The following JAG2 variants were observed in gnomAD, a reference collection of about 807,000 sequenced individuals.
JAG2 encodes jagged canonical Notch ligand 2.
JAG2 carries 46 observed loss-of-function variants against 141.7 expected under a neutral mutation model. That is an observed-to-expected ratio of 0.32 (90% CI 0.26 to 0.42). JAG2 has a LOEUF of 0.42. JAG2 is among the 10% of genes least tolerant of loss of function. The pLI is 1.00. For missense variants in JAG2, 1,500 were observed against 1,817.5 expected, an observed-to-expected ratio of 0.83 and a Z score of 3.18; for synonymous variants, 862 against 763.5, an observed-to-expected ratio of 1.13 and a Z score of -2.13.
chr14:105,156,921 G>A (rs587764691), intron 3 of JAG2, among the ~76,000 whole-genome samples: 8 of 151,876 alleles, frequency 5.3e-5, no homozygotes, highest in East Asian at 3.9e-4. Flanking sequence ...CACCCCCACC[G>A]CCGTCCCTGC....
At chr14:105,149,408 C>T (rs1269570922) in intron 12 of JAG2, 88 bp from the exon 13 acceptor site, 32 of 1,559,266 alleles carry the variant, frequency 2.1e-5, no homozygotes, top group Non-Finnish European at 2.6e-5. Flanking sequence ...AAGGTAGATC[C>T]CTGGGGACCC....
rs772503929 is a variant in JAG2 at position 105,142,946 on chromosome 14, G to T, written c.3466C>A (p.Pro1156Thr). The T allele has an allele frequency of 6.2e-7, 1 of 1,609,298 alleles. No individual in the cohort carries two copies. Among genetic ancestry groups the T allele is most frequent in the Non-Finnish European group, 8.5e-7 (1 of 1,178,078 alleles). Reference sequence around the variant, plus strand: ...GCCTCGTCCGCCCTGCGCGGCGGCGGCGTGAAGTTCTTGCACTGGTAGAGC... The same window carrying T: ...GCCTCGTCCGCCCTGCGCGGCGGCGTCGTGAAGTTCTTGCACTGGTAGAGC... ...DVLYQCKNFT[P>T]PPRRADEALP... Residue 1156 changes from proline (P) to threonine (T), a missense_variant, in exon 26 of 26, where the codon CCG becomes ACG. By Grantham distance (38) the Pro-to-Thr change is conservative. This residue lies in a region of JAG2 where 425 missense variants were observed against 441.0 expected (regional missense o/e 0.96). Coordinates refer to ENST00000331782, the MANE Select transcript of JAG2 (RefSeq NM_002226.5).
chr14:105,146,086 C>T (rs1257181851), intron 22 of JAG2, 113 bp from the exon 23 acceptor site: 1 of 1,498,278 alleles, frequency 6.7e-7, no homozygotes, highest in Non-Finnish European at 9.0e-7. Flanking sequence ...AGGGACACCG[C>T]CCAAGTCTGT....
rs1299575666 is a variant in JAG2, at chr14:105,149,087, T to C, written c.1756A>G (p.Ile586Val). 6.2e-7 allele frequency: 1 copy of C among 1,608,310 alleles called. No individual in the cohort carries two copies. The highest frequency in any genetic ancestry group is 8.5e-7 in the Non-Finnish European group (1 of 1,178,432). Reference sequence around the variant, plus strand: ...CCCGCGTCTGACCCGCAGCCATCGATCACTATGGCAGGCAGTACAGTCAGG... The same window carrying C: ...CCCGCGTCTGACCCGCAGCCATCGACCACTATGGCAGGCAGTACAGTCAGG... ...EPCPGGACRV[I>V]DGCGSDAGPG... The change falls in exon 14 of 26, where the codon ATC becomes GTC. Residue 586 changes from isoleucine (I) to valine (V), a missense_variant and splice_region_variant. Coordinates refer to ENST00000331782, the MANE Select transcript of JAG2 (RefSeq NM_002226.5).
rs183387042 is a variant in JAG2 at position 105,147,224 on chromosome 14, G to A, written c.2479+102C>T. 87 of 885,874 alleles carry A rather than the reference G, an allele frequency of 9.8e-5. No homozygotes were observed. The African/African-American group carries it at 1.2e-3, about 12-fold the overall frequency. 54.9% of individuals were successfully genotyped at this position (885,874 alleles called of 1,614,324 possible). A position where few individuals can be genotyped will look rare whatever the true frequency, so the allele number is the denominator to read the frequency against. On this transcript the variant is annotated intron_variant, in intron 20 of 25. Coordinates refer to ENST00000331782, the MANE Select transcript of JAG2 (RefSeq NM_002226.5). ...AGAAGAGAGGCAGGAAGTAGTTGTG[G>A]CCACACTGCCCTTCAAGGGACGTGG... is the stretch of plus-strand genomic sequence containing the variant.
chr14:105,148,269 C>T (rs367811935), intron 16 of JAG2, 40 bp from the exon 17 acceptor site: 15 of 1,578,012 alleles, frequency 9.5e-6, no homozygotes, highest in East Asian at 4.7e-5. Flanking sequence ...GGCCCCAGAC[C>T]GCCAGGGCCA....
chr14:105,145,340 C>T (rs1055396755), intron 23 of JAG2, among the ~76,000 whole-genome samples: 3 of 152,184 alleles, frequency 2.0e-5, no homozygotes, highest in African/African-American at 7.2e-5. Flanking sequence ...AGTGGGTCTC[C>T]TCCAGTTCTG....
chr14:105,153,826 CA>C (rs1285582720), intron 5 of JAG2, among the ~76,000 whole-genome samples: 1 of 152,232 alleles, frequency 6.6e-6, no homozygotes, highest in Non-Finnish European at 1.5e-5. Flanking sequence ...TTCAAGCTGC[CA>C]GCCAGCAGCC....
At chr14:105,148,588 GGGCAGCCTGGGACTCCACCCCATGGT>G (rs1888306307) in intron 15 of JAG2, 131 bp downstream of exon 15, 3 of 884,312 alleles carry the variant, frequency 3.4e-6, no homozygotes, top group Non-Finnish European at 3.5e-6. Flanking sequence ...TCGGGCATGG[GGGCAGCCTGGGACTCCACCCCATGGT>G]GGCAGCACCC....
In JAG2 at chr14:105,142,870, T is replaced by C. The variant is rs1390747093; in HGVS notation, c.3542A>G (p.Glu1181Gly). 6.2e-7 allele frequency: 1 copy of C among 1,606,722 alleles called. No homozygotes were observed. The highest frequency in any genetic ancestry group is 1.7e-5 in the Admixed American group (1 of 59,452). ...GTCCTCCTCACCGCGGCCCAGATCC[T>C]CGTCCTCCTCATCCTCCCTGACGGC... ...HAAVREDEED[E>G]DLGRGEEDSL... The change falls in exon 26 of 26, where the codon GAG becomes GGG. Residue 1181 changes from glutamate (E) to glycine (G), a missense_variant. By Grantham distance (98) the Glu-to-Gly change is moderately conservative. Transcript: ENST00000331782.
Position 105,142,180 on chromosome 14 carries a change from C to T in JAG2, c.*515G>A, listed in dbSNP as rs1203963241. 1.9e-5 allele frequency: 3 copies of T among 161,722 alleles called. No individual in the cohort carries two copies. The highest frequency in any genetic ancestry group is 4.0e-5 in the Non-Finnish European group (3 of 74,460). The allele number at this position is 161,722 out of a possible 1,614,324, so 10.0% of individuals were successfully genotyped here. A position where few individuals can be genotyped will look rare whatever the true frequency, so the allele number is the denominator to read the frequency against. On this transcript the variant is annotated 3_prime_UTR_variant, in exon 26 of 26. Transcript: ENST00000331782. ...CAATAACCAGGGTCCCACCGACCAC[C>T]GTAGGTCCCACCGACAGCCACAGGT... is the stretch of plus-strand genomic sequence containing the variant.
intron 25 of JAG2, 70 bp downstream of exon 25, chr14:105,143,412 G>A (rs954544428): frequency 8.6e-6 from 13 of 1,504,372 alleles, no homozygotes; most frequent in African/African-American, 1.4e-5. Context: ...CGGCAGGATC[G>A]GCCGGCTCTG....
intron 18 of JAG2, 50 bp downstream of exon 18, chr14:105,147,722 T>C (rs1888270736): frequency 2.2e-6 from 3 of 1,337,012 alleles, no homozygotes; most frequent in East Asian, 5.0e-5. Context: ...GGCAGGGATG[T>C]CATCTGGGTG....
intron 1 of JAG2, 68 bp downstream of exon 1, chr14:105,168,287 G>T: frequency 1.4e-6 from 1 of 698,540 alleles, no homozygotes; most frequent in Non-Finnish European, 1.8e-6. Flanking sequence ...GGCAGTGCCC[G>T]CCCGGCCCCT....
chr14:105,150,057 GA>G (rs1888373633), intron 12 of JAG2, among the ~76,000 whole-genome samples: 1 of 88,156 alleles, frequency 1.1e-5, no homozygotes, highest in South Asian at 5.1e-4. Flanking sequence ...GGGGAAGGGG[GA>G]GGTGGGGAAG....
Position 105,147,312 on chromosome 14 carries a change from G to A in JAG2, c.2479+14C>T, listed in dbSNP as rs1195964558. The A allele has an allele frequency of 1.3e-6, 2 of 1,550,500 alleles. No homozygotes were observed. The highest frequency in any genetic ancestry group is 1.4e-5 in the African/African-American group (1 of 73,096). Reference sequence around the variant, plus strand: ...CTGAGGGGCTCCCAGGGCTGGGGCTGTCTGGCCACTCACTGATGCGGCAGT... The same window carrying A: ...CTGAGGGGCTCCCAGGGCTGGGGCTATCTGGCCACTCACTGATGCGGCAGT... On this transcript the variant is annotated intron_variant, in intron 20 of 25. Coordinates refer to ENST00000331782, the MANE Select transcript of JAG2 (RefSeq NM_002226.5).
Position 105,157,594 on chromosome 14 carries a change from C to T in JAG2, c.475+112G>A, listed in dbSNP as rs181689007. On this transcript the variant is annotated intron_variant, in intron 3 of 25. Coordinates refer to ENST00000331782, the MANE Select transcript of JAG2 (RefSeq NM_002226.5). ...CCAAAGCAAAAAGGGAAACAGCACA[C>T]ATGATCCTCAGGGTAAAGCAAGGCT... The T allele has an allele frequency of 1.2e-5, 13 of 1,062,166 alleles. No individual in the cohort carries two copies. The South Asian group carries it at 1.5e-4, about 12-fold the overall frequency. 65.8% of individuals were successfully genotyped at this position (1,062,166 alleles called of 1,614,324 possible). A position where few individuals can be genotyped will look rare whatever the true frequency, so the allele number is the denominator to read the frequency against.
At chr14:105,148,274 G>A in intron 16 of JAG2, 45 bp from the exon 17 acceptor site, 2 of 1,583,858 alleles carry the variant, frequency 1.3e-6, no homozygotes, top group Non-Finnish European at 1.7e-6. Context: ...CAGACCGCCA[G>A]GGCCAGGGTC....
rs376671609 is a variant in JAG2, at chr14:105,142,659, G to A, written c.*36C>T. On this transcript the variant is annotated 3_prime_UTR_variant, in exon 26 of 26. Coordinates refer to ENST00000331782, the MANE Select transcript of JAG2 (RefSeq NM_002226.5). ...TCCGGCAGACGGCATGGCTCCCACCGAGGGCCCTGGGTCCCGGCCCAGCTG... is the reference window on the plus strand; with the variant it reads ...TCCGGCAGACGGCATGGCTCCCACCAAGGGCCCTGGGTCCCGGCCCAGCTG... The A allele has an allele frequency of 2.8e-5, 43 of 1,516,660 alleles. No homozygotes were observed. The African/African-American group carries it at 4.4e-4, about 16-fold the overall frequency. 94.0% of individuals were successfully genotyped at this position (1,516,660 alleles called of 1,614,324 possible).
Sources: gnomAD v4.1 joint callset for allele counts (sites outside exome capture counted in the v4.1 genomes callset) on GRCh38, gnomAD v4.1.1 for gene constraint, gnomAD v4.1.1 regional missense constraint, MANE v1.5 for transcripts, NCBI Gene and HGNC (gene_info 2026-07-23, HGNC 2026-07-21) for gene names.